STAB2: variants seen among roughly 807,000 people sequenced by gnomAD.
STAB2 encodes the protein stabilin 2.
STAB2 carries 288 observed loss-of-function variants against 338.1 expected under a neutral mutation model. That is an observed-to-expected ratio of 0.85 (90% confidence interval 0.77 to 0.94). STAB2 has a LOEUF of 0.94. Ranked by LOEUF, STAB2 falls within the 40% of genes least tolerant of loss-of-function variation. The pLI is 0.00. For missense variants in STAB2, 3,141 were observed against 3,210.1 expected, an observed-to-expected ratio of 0.98 and a Z score of 0.52; for synonymous variants, 1,202 against 1,193.3, an observed-to-expected ratio of 1.01 and a Z score of -0.15.
chr12:103,693,558 C>G (rs923734359), intron 31 of STAB2, among the ~76,000 whole-genome samples: 8 of 152,094 alleles, frequency 5.3e-5, no homozygotes, highest in Non-Finnish European at 1.2e-4. Flanking sequence ...TTTTTCCACT[C>G]TCCTATCTGC....
chr12:103,620,332 C>G, intron 3 of STAB2, 136 bp from the exon 4 acceptor site: 4 of 748,090 alleles, frequency 5.3e-6, no homozygotes, highest in Admixed American at 2.7e-5. Flanking sequence ...CTGTAAAACC[C>G]TAGATGACAC....
In STAB2 at chr12:103,692,856, A is replaced by G; in HGVS notation, c.3342A>G (p.Ala1114=). Residue 1114 remains alanine, a synonymous_variant, in exon 31 of 69, where the codon GCA becomes GCG. Transcript: ENST00000388887. The part of the protein sequence containing the change: ...EGASIVDGDN[A]ATNGVIHIIN... ...CCTCCATTGTCGATGGGGACAACGC[A>G]GCCACAAATGGAGTGATACACATCA... 6.2e-7 allele frequency: 1 copy of G among 1,613,732 alleles called. No individual in the cohort carries two copies. Among genetic ancestry groups the G allele is most frequent in the Non-Finnish European group, 8.5e-7 (1 of 1,179,724 alleles).
Position 103,739,397 on chromosome 12 carries a change from T to C in STAB2, c.5698-15T>C, listed in dbSNP as rs1313116877. The C allele has an allele frequency of 1.9e-6, 3 of 1,568,186 alleles. No individual in the cohort carries two copies. Among genetic ancestry groups the C allele is most frequent in the Non-Finnish European group, 2.6e-6 (3 of 1,158,834 alleles). On this transcript the variant is annotated splice_polypyrimidine_tract_variant and intron_variant, in intron 53 of 68. Coordinates refer to ENST00000388887, the MANE Select transcript of STAB2 (RefSeq NM_017564.10). ...ATATTCTTGGTTTTCAAGTGTTTCT[T>C]TTCTTGCATACTAGGGGGAGTGTGG...
At chr12:103,681,478 CCT>C (rs752943469) in intron 25 of STAB2, among the ~76,000 whole-genome samples, 1 of 152,084 alleles carries the variant, frequency 6.6e-6, no homozygotes, top group Admixed American at 6.5e-5. Flanking sequence ...CTGTTCCATG[CCT>C]CTCTCCTAAT....
chr12:103,712,205 G>A (rs1230050581), intron 40 of STAB2, among the ~76,000 whole-genome samples, 162 bp from the exon 41 acceptor site: 1 of 152,146 alleles, frequency 6.6e-6, no homozygotes, highest in Non-Finnish European at 1.5e-5. Flanking sequence ...GCTTGTGGTG[G>A]GGTTATGCCA....
Position 103,590,961 on chromosome 12 carries a change from A to G in STAB2, c.146A>G (p.Asn49Ser). The G allele has an allele frequency of 6.2e-7, 1 of 1,614,042 alleles. No homozygotes were observed. Residue 49 changes from asparagine (N) to serine (S), a missense_variant, in exon 2 of 69, where the codon AAC becomes AGC. Asn to Ser is a conservative substitution (Grantham distance 46, BLOSUM62 1). Transcript: ENST00000388887. Reference sequence around the variant, plus strand: ...ACCGAGTGCCGATCCTGCGCTCTCAACCTTGGAGTCAAGTGCCCGGATGGT... The same window carrying G: ...ACCGAGTGCCGATCCTGCGCTCTCAGCCTTGGAGTCAAGTGCCCGGATGGT... ...IRTECRSCALNLGVKCPDGYT... is the reference protein window; with the variant it reads ...IRTECRSCALSLGVKCPDGYT...
rs865938691 is a variant in STAB2 at position 103,623,049 on chromosome 12, C to T, written c.487+938C>T. Among the ~76,000 whole-genome samples, 10 of 152,300 alleles carry T rather than the reference C, an allele frequency of 6.6e-5. 1 individual carries two copies. In the Middle Eastern group the frequency reaches 0.024, roughly 363 times the overall value. ...ATTTTTGGCTGCCCCCAGAAGTAGA[C>T]TCTGAGATAGAGATTTGAGTAACAA... On this transcript the variant is annotated intron_variant, in intron 5 of 68. Transcript: ENST00000388887.
chr12:103,653,568 G>A (rs1403253774), intron 12 of STAB2, among the ~76,000 whole-genome samples: 2 of 145,002 alleles, frequency 1.4e-5, no homozygotes, highest in East Asian at 4.3e-4. Flanking sequence ...ACATGGATAG[G>A]TCACTGGATG....
intron 66 of STAB2, 133 bp from the exon 67 acceptor site, chr12:103,762,141 A>C: frequency 8.1e-7 from 1 of 1,241,640 alleles, no homozygotes; most frequent in Non-Finnish European, 1.1e-6. Context: ...TGGCAGTAAT[A>C]AGGGCCAGAT....
At chr12:103,686,151 C>T (rs1189854254) in intron 27 of STAB2, among the ~76,000 whole-genome samples, 4 of 152,138 alleles carry the variant, frequency 2.6e-5, no homozygotes, top group Non-Finnish European at 4.4e-5. Flanking sequence ...TATTCAACTC[C>T]CTGCTGTTGA....
Position 103,762,404 on chromosome 12 carries a change from TAA to T in STAB2, c.7488+3_7488+4del. ...ACAATCGGCTTCCAGCATTTTGAGG[TAA>T]GAGAGAAAAATGGGAACATGATGAT... On this transcript the variant is annotated splice_donor_region_variant and intron_variant, in intron 67 of 68. Coordinates refer to ENST00000388887, the MANE Select transcript of STAB2 (RefSeq NM_017564.10). The T allele has an allele frequency of 2.5e-6, 4 of 1,614,126 alleles. No individual in the cohort carries two copies. Among genetic ancestry groups the T allele is most frequent in the Non-Finnish European group, 3.4e-6 (4 of 1,180,020 alleles).
intron 18 of STAB2, among the ~76,000 whole-genome samples, 195 bp downstream of exon 18, chr12:103,663,193 G>A (rs1420833120): frequency 1.3e-5 from 2 of 152,170 alleles, no homozygotes; most frequent in Non-Finnish European, 2.9e-5. Flanking sequence ...ACAGTTCCTT[G>A]GGGAATTTCC....
At chr12:103,645,895 G>A (rs192378058) in intron 9 of STAB2, among the ~76,000 whole-genome samples, 1 of 151,988 alleles carries the variant, frequency 6.6e-6, no homozygotes, top group Non-Finnish European at 1.5e-5. Context: ...GGCTGGGGAG[G>A]GGGGGCAAAA....
intron 9 of STAB2, among the ~76,000 whole-genome samples, chr12:103,642,094 T>C (rs191829979): frequency 1.2e-4 from 19 of 152,318 alleles, no homozygotes; most frequent in African/African-American, 4.3e-4. Flanking sequence ...GACTAAACTT[T>C]TCTAAACCAC....
At chr12:103,737,814 C>T (rs1396203057) in intron 53 of STAB2, 34 bp downstream of exon 53, 1 of 1,611,784 alleles carries the variant, frequency 6.2e-7, no homozygotes, top group Admixed American at 1.7e-5. Flanking sequence ...AGTAAGAGAA[C>T]CTTAAGCCAA....
At chr12:103,742,257 C>G (rs1882643129) in intron 55 of STAB2, 148 bp from the exon 56 acceptor site, 1 of 961,922 alleles carries the variant, frequency 1.0e-6, no homozygotes, top group African/African-American at 1.6e-5. Flanking sequence ...GTCCCATAGG[C>G]CAGTGACGTG....
At chr12:103,622,756 G>A (rs12315141) in intron 5 of STAB2, among the ~76,000 whole-genome samples, 2,625 of 152,216 alleles carry the variant, frequency 0.017, 75 homozygotes, top group African/African-American at 0.06. Context: ...GCTACTCCCC[G>A]GAAATGCTTC....
chr12:103,638,355 G>A, intron 8 of STAB2, 143 bp downstream of exon 8: 2 of 884,968 alleles, frequency 2.3e-6, no homozygotes, highest in Non-Finnish European at 3.3e-6. Flanking sequence ...TCCTCCATGT[G>A]CTCAGAGCCT....
chr12:103,754,735 A>AG (rs1424413503), intron 61 of STAB2, among the ~76,000 whole-genome samples: 4 of 152,104 alleles, frequency 2.6e-5, no homozygotes, highest in Admixed American at 6.6e-5. Flanking sequence ...GGATCACTTG[A>AG]GGTCAGGAGT....
Sources: gnomAD v4.1 joint callset for allele counts (sites outside exome capture counted in the v4.1 genomes callset) on GRCh38, gnomAD v4.1.1 for gene constraint, MANE v1.5 for transcripts, NCBI Gene and HGNC (gene_info 2026-07-23, HGNC 2026-07-21) for gene names.